Variants in KIAA1328 observed in about 807,000 individuals in gnomAD.
KIAA1328 encodes KIAA1328, also known as protein hinderin.
Under a neutral mutation model 68.1 loss-of-function variants are expected in KIAA1328, and 52 were observed. The ratio of observed to expected loss-of-function variants is 0.76; its 90% confidence interval spans 0.61 to 0.96. KIAA1328 has a LOEUF of 0.96. KIAA1328 is among the 40% of genes least tolerant of loss of function. KIAA1328 has a pLI of 0.00. For missense variants in KIAA1328, 641 were observed against 677.6 expected, an observed-to-expected ratio of 0.95 and a Z score of 0.60; for synonymous variants, 232 against 239.4, an observed-to-expected ratio of 0.97 and a Z score of 0.28.
chr18:37,070,625 C>T (rs1227398443), intron 7 of KIAA1328, among the ~76,000 whole-genome samples: 1 of 150,066 alleles, frequency 6.7e-6, no homozygotes, highest in Non-Finnish European at 1.5e-5. Context: ...GGTTGGAGTG[C>T]AGTGGCACCA....
At chr18:37,113,176 C>T (rs144819827) in intron 7 of KIAA1328, among the ~76,000 whole-genome samples, 38 of 152,088 alleles carry the variant, frequency 2.5e-4, no homozygotes, top group African/African-American at 8.7e-4. Flanking sequence ...AAGATATCCT[C>T]GAGAAGAGCA....
chr18:37,036,882 C>G (rs1180458093), intron 6 of KIAA1328, among the ~76,000 whole-genome samples: 1 of 152,124 alleles, frequency 6.6e-6, no homozygotes, highest in African/African-American at 2.4e-5. Flanking sequence ...TTGCAAATAA[C>G]AAAATAGCTT....
chr18:36,948,552 G>A (rs1370842431), intron 5 of KIAA1328, among the ~76,000 whole-genome samples: 2 of 146,612 alleles, frequency 1.4e-5, no homozygotes, highest in South Asian at 2.2e-4. Flanking sequence ...TAGCCACCAC[G>A]CCTTTTTTTT....
chr18:37,141,752 G>C (rs1406590680), intron 7 of KIAA1328, among the ~76,000 whole-genome samples: 1 of 152,144 alleles, frequency 6.6e-6, no homozygotes, highest in Non-Finnish European at 1.5e-5. Context: ...CCAAGGCTTG[G>C]TATTATGACT....
chr18:36,922,818 A>G (rs1195888498), intron 5 of KIAA1328, among the ~76,000 whole-genome samples: 2 of 152,092 alleles, frequency 1.3e-5, no homozygotes, highest in African/African-American at 4.8e-5. Flanking sequence ...TCATTTTTCA[A>G]GTTACTTAGG....
In KIAA1328 at chr18:36,829,213, T is replaced by C; in HGVS notation, c.58+17T>C. The C allele has an allele frequency of 6.6e-7, 1 of 1,508,976 alleles. No homozygotes were observed. The highest frequency in any genetic ancestry group is 1.8e-4 in the Middle Eastern group (1 of 5,550). 93.5% of individuals were successfully genotyped at this position (1,508,976 alleles called of 1,614,324 possible). A position where few individuals can be genotyped will look rare whatever the true frequency, so the allele number is the denominator to read the frequency against. ...GCCGGGACTGTATCCTTTGCCCGCCTGACAGGGGGCGCCGGCGCCCTCCAC... is the reference window on the plus strand; with the variant it reads ...GCCGGGACTGTATCCTTTGCCCGCCCGACAGGGGGCGCCGGCGCCCTCCAC... On this transcript the variant is annotated intron_variant, in intron 1 of 9. Transcript: ENST00000280020.
At chr18:37,014,484 T>C (rs1379749306) in intron 6 of KIAA1328, among the ~76,000 whole-genome samples, 1 of 152,158 alleles carries the variant, frequency 6.6e-6, no homozygotes, top group Non-Finnish European at 1.5e-5. Flanking sequence ...CGCATTGCTG[T>C]AGAGAAATAC....
chr18:37,037,865 G>A (rs540001498), intron 6 of KIAA1328, among the ~76,000 whole-genome samples: 1 of 152,282 alleles, frequency 6.6e-6, no homozygotes, highest in South Asian at 2.1e-4. Flanking sequence ...ACTTTGGGAG[G>A]CCGAGGCAGG....
At chr18:36,920,770 GT>G (rs552503524) in intron 5 of KIAA1328, among the ~76,000 whole-genome samples, 3 of 151,998 alleles carry the variant, frequency 2.0e-5, no homozygotes, top group South Asian at 2.1e-4. Context: ...GCTTTCCAGT[GT>G]TTTTTTTCAT....
rs559942965 is a variant in KIAA1328, at chr18:37,099,202, G to A, written c.1232+31657G>A. 7.9e-5 allele frequency among the ~76,000 whole-genome samples: 12 copies of A among 152,256 alleles called. 1 individual carries two copies. In the East Asian group the frequency reaches 2.3e-3, roughly 29 times the overall value. On this transcript the variant is annotated intron_variant, in intron 7 of 9. Coordinates refer to ENST00000280020, the MANE Select transcript of KIAA1328 (RefSeq NM_020776.3). ...TTTTAGATCTTTCCTGCTTTCTCTTGTGGGCATTTAGTGCTATAAATTTCC... is the reference window on the plus strand; with the variant it reads ...TTTTAGATCTTTCCTGCTTTCTCTTATGGGCATTTAGTGCTATAAATTTCC...
At chr18:36,983,441 T>TA (rs1391146472) in intron 6 of KIAA1328, among the ~76,000 whole-genome samples, 3 of 152,060 alleles carry the variant, frequency 2.0e-5, no homozygotes, top group Admixed American at 2.0e-4. Flanking sequence ...AGAAGCCAAC[T>TA]AATCCACAAT....
At chr18:36,869,953 C>T (rs1238955879) in intron 4 of KIAA1328, among the ~76,000 whole-genome samples, 2 of 152,094 alleles carry the variant, frequency 1.3e-5, no homozygotes, top group East Asian at 1.9e-4. Flanking sequence ...ACCTCTGCCT[C>T]CCGGGTTCAA....
At chr18:37,123,623 A>G (rs2058323674) in intron 7 of KIAA1328, among the ~76,000 whole-genome samples, 1 of 152,190 alleles carries the variant, frequency 6.6e-6, no homozygotes, top group South Asian at 2.1e-4. Context: ...GGGTTTTAAA[A>G]TATGCCATGG....
intron 6 of KIAA1328, among the ~76,000 whole-genome samples, chr18:37,010,874 CAG>C (rs2053956335): frequency 6.6e-6 from 1 of 151,958 alleles, no homozygotes; most frequent in Non-Finnish European, 1.5e-5. Flanking sequence ...CAATAATTGA[CAG>C]AAACAAAAAA....
chr18:36,993,428 C>T (rs966567675), intron 6 of KIAA1328, among the ~76,000 whole-genome samples: 4 of 152,120 alleles, frequency 2.6e-5, no homozygotes, highest in African/African-American at 9.7e-5. Flanking sequence ...GAATATAATA[C>T]AAATGCTAAA....
chr18:37,185,673 C>T (rs1411468444), intron 9 of KIAA1328, among the ~76,000 whole-genome samples: 1 of 151,872 alleles, frequency 6.6e-6, no homozygotes, highest in Non-Finnish European at 1.5e-5. Flanking sequence ...TTTGTATACA[C>T]TGTTGATATA....
At chr18:37,080,647 C>T (rs2056918528) in intron 7 of KIAA1328, among the ~76,000 whole-genome samples, 1 of 151,730 alleles carries the variant, frequency 6.6e-6, no homozygotes, top group Non-Finnish European at 1.5e-5. Flanking sequence ...TGGTGGCAGG[C>T]ACCTGTAATC....
chr18:36,919,765 T>C (rs2049847119), intron 5 of KIAA1328, among the ~76,000 whole-genome samples: 1 of 152,186 alleles, frequency 6.6e-6, no homozygotes, highest in Admixed American at 6.5e-5. Flanking sequence ...ATAGCCATTC[T>C]GACTAGAGTG....
intron 5 of KIAA1328, among the ~76,000 whole-genome samples, chr18:36,889,878 T>C (rs1188884508): frequency 6.6e-6 from 1 of 152,186 alleles, no homozygotes; most frequent in Non-Finnish European, 1.5e-5. Flanking sequence ...AGTAGCCCAG[T>C]AGAAGAATGA....
Sources: gnomAD v4.1 joint callset for allele counts (sites outside exome capture counted in the v4.1 genomes callset) on GRCh38, gnomAD v4.1.1 for gene constraint, MANE v1.5 for transcripts, NCBI Gene and HGNC (gene_info 2026-07-23, HGNC 2026-07-21) for gene names.